The following FTH1 variants were observed in gnomAD, a reference collection of about 807,000 sequenced individuals.
FTH1 encodes the protein ferritin heavy chain 1.
FTH1 carries 3 observed loss-of-function variants against 21.8 expected under a neutral mutation model. That is an observed-to-expected ratio of 0.14 (90% confidence interval 0.06 to 0.36). The LOEUF is 0.36. Ranked by LOEUF, FTH1 falls within the 10% of genes least tolerant of loss-of-function variation. The probability of loss-of-function intolerance (pLI) is 1.00; values close to 1 mark genes in which losing one functional copy is unlikely to be tolerated. For synonymous variants in FTH1, 83 were observed against 90.1 expected (o/e 0.92, Z 0.45); for missense variants, 147 against 225.8 (o/e 0.65, Z 2.24).
In FTH1 at chr11:61,965,109, G is replaced by A; in HGVS notation, c.265C>T (p.Pro89Ser). The change falls in exon 3 of 4, where the codon CCA (proline) becomes TCA (serine). Residue 89 changes from proline (P) to serine (S), a missense_variant. By Grantham distance (74) the Pro-to-Ser change is moderately conservative. Coordinates refer to ENST00000273550, the MANE Select transcript of FTH1 (RefSeq NM_002032.3). ...GRIFLQDIKK[P>S]DCDDWESGLN... ...CCGCTCTCCCAGTCATCACAGTCTG[G>A]TTTCTGAATGAGAATAGGTTAATGC... is the stretch of plus-strand genomic sequence containing the variant. The A allele has an allele frequency of 6.2e-7, 1 of 1,604,302 alleles. No homozygotes were observed. The highest frequency in any genetic ancestry group is 8.5e-7 in the Non-Finnish European group (1 of 1,179,964).
chr11:61,964,779 G>A lies in FTH1; in HGVS notation c.500C>T (p.Ala167Val), dbSNP rs755508306. ...RKMGAPESGL[A>V]EYLFDKHTLG... is the part of the protein sequence containing the mutation. Reference sequence around the variant, plus strand: ...GGTGTGCTTGTCAAAGAGATATTCCGCCAAGCCAGATTCGGGCGCTCCCAT... The same window carrying A: ...GGTGTGCTTGTCAAAGAGATATTCCACCAAGCCAGATTCGGGCGCTCCCAT... Residue 167 changes from alanine (A) to valine (V), a missense_variant, in exon 4 of 4, where the codon GCG becomes GTG. Transcript: ENST00000273550. 3.1e-6 allele frequency: 5 copies of A among 1,599,574 alleles called. No homozygotes were observed. Among genetic ancestry groups the A allele is most frequent in the Admixed American group, 1.7e-5 (1 of 59,980 alleles).
intron 1 of FTH1, 123 bp downstream of exon 1, chr11:61,967,189 A>G (rs2134489964): frequency 2.0e-6 from 1 of 501,190 alleles, no homozygotes; most frequent in East Asian, 3.9e-5. Flanking sequence ...AGCAGCCTCC[A>G]TTTTCCAGAA....
intron 1 of FTH1, among the ~76,000 whole-genome samples, chr11:61,966,556 C>T (rs195154): frequency 0.97 from 147,107 of 152,250 alleles, 71,274 homozygotes; most frequent in East Asian, 1. Flanking sequence ...TTTGGGAAAA[C>T]TGATTCCACT....
chr11:61,964,932 C>T, intron 3 of FTH1, 41 bp from the exon 4 acceptor site: 1 of 1,613,816 alleles, frequency 6.2e-7, no homozygotes, highest in Non-Finnish European at 8.5e-7. Context: ...GCAGCTTTCC[C>T]AATCCCTAAG....
rs1212504376 is a variant in FTH1, at chr11:61,964,429, A to G, written c.*298T>C. 2 of 617,380 alleles carry G rather than the reference A, an allele frequency of 3.2e-6. No homozygotes were observed. Among genetic ancestry groups the G allele is most frequent in the East Asian group, 5.6e-5 (2 of 35,760 alleles). 38.2% of individuals were successfully genotyped at this position (617,380 alleles called of 1,614,324 possible). ...CAGCCACACCTTAGTATACTGCCCA[A>G]ACTAATGAGTTTAATAAATACAAAT... On this transcript the variant is annotated 3_prime_UTR_variant, in exon 4 of 4. Transcript: ENST00000273550.
rs1410189426 is a variant in FTH1 at position 61,964,907 on chromosome 11, G to A, written c.388-16C>T. On this transcript the variant is annotated splice_polypyrimidine_tract_variant and intron_variant, in intron 3 of 3. Coordinates refer to ENST00000273550, the MANE Select transcript of FTH1 (RefSeq NM_002032.3). ...AGTCACACAACTGCAAAACAATGGGGAAGACAGTTAGTGGGCAGCTTTCCC... is the reference window on the plus strand; with the variant it reads ...AGTCACACAACTGCAAAACAATGGGAAAGACAGTTAGTGGGCAGCTTTCCC... 3.7e-6 allele frequency: 6 copies of A among 1,612,146 alleles called. No homozygotes were observed. In the South Asian group the frequency reaches 4.4e-5, roughly 12 times the overall value.
In FTH1 at chr11:61,965,444, C is replaced by T; in HGVS notation, c.186G>A (p.Glu62=). 2 of 1,612,478 alleles carry T rather than the reference C, an allele frequency of 1.2e-6. No individual in the cohort carries two copies. The highest frequency in any genetic ancestry group is 1.7e-6 in the Non-Finnish European group (2 of 1,179,994). Residue 62 remains glutamate (E), a synonymous_variant, in exon 2 of 4, where the codon GAG becomes GAA. Coordinates refer to ENST00000273550, the MANE Select transcript of FTH1 (RefSeq NM_002032.3). ...TCAGTTTCTCAGCATGTTCCCTCTC[C>T]TCATGAGATTGGTGAAGAAAGTATT... ...FAKYFLHQSH[E]EREHAEKLMK... is the part of the protein sequence containing the mutation.
chr11:61,965,565 T>C, intron 1 of FTH1, 50 bp from the exon 2 acceptor site: 1 of 1,592,888 alleles, frequency 6.3e-7, no homozygotes, highest in Non-Finnish European at 8.5e-7. Context: ...CAGAGACAGG[T>C]AGCTGTGACG....
chr11:61,964,406 G>GCCA lies in FTH1; in HGVS notation c.*318_*320dup. 1 of 636,880 alleles carries GCCA rather than the reference G, an allele frequency of 1.6e-6. No homozygotes were observed. The highest frequency in any genetic ancestry group is 2.0e-5 in the South Asian group (1 of 50,556). The allele number at this position is 636,880 out of a possible 1,614,324, so 39.5% of individuals were successfully genotyped here. ...CTTAGTTCTATCTGAATCCAAGACA[G>GCCA]CCACACCTTAGTATACTGCCCAAAC... On this transcript the variant is annotated 3_prime_UTR_variant, in exon 4 of 4. Coordinates refer to ENST00000273550, the MANE Select transcript of FTH1 (RefSeq NM_002032.3).
Position 61,964,740 on chromosome 11 carries a change from T to A in FTH1, c.539A>T (p.Asp180Val), listed in dbSNP as rs1942400321. 1 of 1,598,606 alleles carries A rather than the reference T, an allele frequency of 6.3e-7. No homozygotes were observed. The highest frequency in any genetic ancestry group is 1.1e-5 in the South Asian group (1 of 91,032). ...TTAGCCCGAGGCTTAGCTTTCATTA[T>A]CACTGTCTCCCAGGGTGTGCTTGTC... Reference protein sequence around the residue: ...LFDKHTLGDSDNES With the variant: ...LFDKHTLGDSVNES The change falls in exon 4 of 4, where the codon GAT becomes GTT. Residue 180 changes from aspartate (D) to valine (V), a missense_variant. Transcript: ENST00000273550.
Position 61,964,827 on chromosome 11 carries a change from T to C in FTH1, c.452A>G (p.Asp151Gly), listed in dbSNP as rs370763150. 7.6e-5 allele frequency: 121 copies of C among 1,600,814 alleles called. No individual in the cohort carries two copies. Among genetic ancestry groups the C allele is most frequent in the Non-Finnish European group, 1.0e-4 (118 of 1,179,960 alleles). ...EQVKAIKELG[D>G]HVTNLRKMGA... ...CATCTTGCGCAAGTTGGTCACGTGG[T>C]CACCCAATTCTTTGATGGCTTTCAC... The change falls in exon 4 of 4, where the codon GAC becomes GGC. Residue 151 changes from aspartate to glycine, a missense_variant. Coordinates refer to ENST00000273550, the MANE Select transcript of FTH1 (RefSeq NM_002032.3).
intron 1 of FTH1, among the ~76,000 whole-genome samples, chr11:61,966,711 A>G (rs1942469010): frequency 1.3e-5 from 2 of 152,366 alleles, no homozygotes; most frequent in South Asian, 4.1e-4. Flanking sequence ...GTCAGGTGAC[A>G]CTTCGGTGAC....
rs1591320517 is a variant in FTH1, at chr11:61,964,859, A to G, written c.420T>C (p.Asn140=). 1 of 1,603,812 alleles carries G rather than the reference A, an allele frequency of 6.2e-7. No homozygotes were observed. The highest frequency in any genetic ancestry group is 1.3e-5 in the African/African-American group (1 of 74,882). ...ATTCTTTGATGGCTTTCACCTGCTC[A>G]TTCAGGTAATGTGTCTCAATGAAGT... ...LCDFIETHYL[N]EQVKAIKELG... is the part of the protein sequence containing the mutation. The change falls in exon 4 of 4, where the codon AAT becomes AAC. Residue 140 remains asparagine, a synonymous_variant. Coordinates refer to ENST00000273550, the MANE Select transcript of FTH1 (RefSeq NM_002032.3).
chr11:61,964,962 T>C (rs375508666), intron 3 of FTH1, 25 bp downstream of exon 3: 194 of 1,614,062 alleles, frequency 1.2e-4, no homozygotes, highest in Non-Finnish European at 1.5e-4. Flanking sequence ...TTCCTCCATT[T>C]ATTTCCTGGG....
rs935639722 is a variant in FTH1, at chr11:61,967,442, A to C, written c.-17T>G. ...GGTCGTCATGGCGGCGACTAAGGAG[A>C]GGCGGCGGCGGCGGCGGTGGCTGCG... On this transcript the variant is annotated 5_prime_UTR_variant, in exon 1 of 4. Transcript: ENST00000273550. The C allele has an allele frequency of 1.3e-6, 2 of 1,562,118 alleles. No individual in the cohort carries two copies. Among genetic ancestry groups the C allele is most frequent in the African/African-American group, 2.7e-5 (2 of 73,636 alleles).
In FTH1 at chr11:61,964,619, G is replaced by T; in HGVS notation, c.*108C>A. On this transcript the variant is annotated 3_prime_UTR_variant, in exon 4 of 4. Coordinates refer to ENST00000273550, the MANE Select transcript of FTH1 (RefSeq NM_002032.3). ...TGGTACAAATCAAAGAACTTAAGTG[G>T]ATGTTTTGGTACAACTTATAGAAAA... is the stretch of plus-strand genomic sequence containing the variant. 4 of 1,191,376 alleles carry T rather than the reference G, an allele frequency of 3.4e-6. No homozygotes were observed. Among genetic ancestry groups the T allele is most frequent in the Non-Finnish European group, 4.9e-6 (4 of 820,316 alleles). The allele number at this position is 1,191,376 out of a possible 1,614,324, so 73.8% of individuals were successfully genotyped here.
chr11:61,964,997 T>C lies in FTH1; in HGVS notation c.377A>G (p.Asn126Ser). 2.5e-6 allele frequency: 4 copies of C among 1,614,056 alleles called. No individual in the cohort carries two copies. The highest frequency in any genetic ancestry group is 3.4e-6 in the Non-Finnish European group (4 of 1,180,044). ...LELHKLATDKNDPHLCDFIET... is the reference protein window; with the variant it reads ...LELHKLATDKSDPHLCDFIET... ...GGTTCCAATACTCACATGGGGGTCATTTTTGTCAGTGGCCAGTTTGTGCAG... is the reference window on the plus strand; with the variant it reads ...GGTTCCAATACTCACATGGGGGTCACTTTTGTCAGTGGCCAGTTTGTGCAG... Residue 126 changes from asparagine (N) to serine (S), a missense_variant, in exon 3 of 4, where the codon AAT becomes AGT. By Grantham distance (46) the Asn-to-Ser change is conservative. Coordinates refer to ENST00000273550, the MANE Select transcript of FTH1 (RefSeq NM_002032.3).
chr11:61,965,736 T>C (rs572295274), intron 1 of FTH1, among the ~76,000 whole-genome samples: 1 of 152,270 alleles, frequency 6.6e-6, no homozygotes, highest in African/African-American at 2.4e-5. Context: ...ACTTGATCCT[T>C]GAAACTTAAC....
chr11:61,964,531 T>C lies in FTH1; in HGVS notation c.*196A>G. 7.4e-6 allele frequency: 5 copies of C among 676,096 alleles called. 1 individual carries two copies. The South Asian group carries it at 9.2e-5, about 12-fold the overall frequency. 41.9% of individuals were successfully genotyped at this position (676,096 alleles called of 1,614,324 possible). A position where few individuals can be genotyped will look rare whatever the true frequency, so the allele number is the denominator to read the frequency against. On this transcript the variant is annotated 3_prime_UTR_variant, in exon 4 of 4. Coordinates refer to ENST00000273550, the MANE Select transcript of FTH1 (RefSeq NM_002032.3). ...AATCTGGAAGATAGCCTGGATAGAT[T>C]TCTGATTCATCCCAAGACCTCAAAG...
Sources: allele counts gnomAD v4.1 joint callset (sites outside exome capture counted in the v4.1 genomes callset), GRCh38; gene constraint gnomAD v4.1.1; transcripts MANE v1.5; gene names NCBI Gene and HGNC (gene_info 2026-07-23, HGNC 2026-07-21).